Variants in MIPEP observed in about 807,000 individuals in gnomAD.
MIPEP encodes the protein mitochondrial intermediate peptidase.
A neutral mutation model predicts 90.3 loss-of-function variants in MIPEP; 79 were observed. That is an observed-to-expected ratio of 0.87 (90% confidence interval 0.73 to 1.05). The LOEUF (loss-of-function observed/expected upper bound fraction) is 1.05. MIPEP is among the 50% of genes least tolerant of loss of function. The probability of loss-of-function intolerance (pLI) is 0.00; values close to 1 mark genes in which losing one functional copy is unlikely to be tolerated. For missense variants in MIPEP, 940 were observed against 905.6 expected, an observed-to-expected ratio of 1.04 and a Z score of -0.49; for synonymous variants, 334 against 315.8, an observed-to-expected ratio of 1.06 and a Z score of -0.61.
chr13:23,780,954 C>A (rs1030935657), intron 16 of MIPEP, among the ~76,000 whole-genome samples: 21 of 152,056 alleles, frequency 1.4e-4, no homozygotes, highest in Middle Eastern at 3.4e-3. Context: ...AGGGACTATG[C>A]GAAAAGACCA....
At chr13:23,763,970 C>T (rs1297513207) in intron 16 of MIPEP, among the ~76,000 whole-genome samples, 1 of 152,212 alleles carries the variant, frequency 6.6e-6, no homozygotes, top group African/African-American at 2.4e-5. Context: ...TACCATTTCA[C>T]TCATTCATCT....
chr13:23,774,437 T>TA (rs1191262575), intron 16 of MIPEP, among the ~76,000 whole-genome samples: 106 of 152,016 alleles, frequency 7.0e-4, no homozygotes, highest in African/African-American at 1.6e-3. Flanking sequence ...TCATTTTCTA[T>TA]AAAAAAAAGC....
At chr13:23,850,983 A>G (rs1869775509) in intron 10 of MIPEP, among the ~76,000 whole-genome samples, 1 of 152,236 alleles carries the variant, frequency 6.6e-6, no homozygotes, top group Non-Finnish European at 1.5e-5. Flanking sequence ...GGAAATAGGC[A>G]GAGATTTTCT....
chr13:23,738,964 T>C (rs1415582598), intron 18 of MIPEP, among the ~76,000 whole-genome samples: 1 of 152,228 alleles, frequency 6.6e-6, no homozygotes, highest in African/African-American at 2.4e-5. Flanking sequence ...ATGGCTCAGA[T>C]GGACCTGCGG....
rs139699623 is a variant in MIPEP at position 23,870,319 on chromosome 13, T to TTAAA, written c.604-125_604-124insTTTA. On this transcript the variant is annotated intron_variant, in intron 5 of 18. Transcript: ENST00000382172. ...TGTTGAATTATCACTTAATAAAATA[T>TTAAA]TAGTTTAGTAAAATGAATATATTGT... 113,165 of 460,118 alleles carry TTAAA rather than the reference T, an allele frequency of 0.25. 15,349 individuals are homozygous for TTAAA. Among genetic ancestry groups the TTAAA allele is most frequent in the East Asian group, 0.41 (10,587 of 25,884 alleles). 28.5% of individuals were successfully genotyped at this position (460,118 alleles called of 1,614,324 possible).
chr13:23,750,361 C>T (rs1952429909), intron 18 of MIPEP, among the ~76,000 whole-genome samples: 1 of 152,188 alleles, frequency 6.6e-6, no homozygotes, highest in Non-Finnish European at 1.5e-5. Context: ...GCCGTGTCTC[C>T]TTAGGCTCCT....
At chr13:23,882,012 T>C (rs1442629057) in intron 2 of MIPEP, among the ~76,000 whole-genome samples, 2 of 152,176 alleles carry the variant, frequency 1.3e-5, no homozygotes, top group Non-Finnish European at 2.9e-5. Flanking sequence ...AAAAAGACTT[T>C]TATTATTTCA....
intron 18 of MIPEP, among the ~76,000 whole-genome samples, chr13:23,732,804 T>C (rs943972905): frequency 6.6e-6 from 1 of 152,202 alleles, no homozygotes; most frequent in Admixed American, 6.5e-5. Context: ...GGGCCTCTGG[T>C]GTGATGGTCA....
intron 16 of MIPEP, among the ~76,000 whole-genome samples, chr13:23,794,965 G>C (rs1193893311): frequency 1.3e-5 from 2 of 152,154 alleles, no homozygotes; most frequent in Non-Finnish European, 2.9e-5. Context: ...CAGGCAAAGA[G>C]GAAAGAAATT....
chr13:23,767,545 A>G (rs1198406495), intron 16 of MIPEP, among the ~76,000 whole-genome samples: 5 of 151,300 alleles, frequency 3.3e-5, no homozygotes, highest in Admixed American at 3.3e-4. Context: ...TCCACCTCCC[A>G]GGTTCAAGCG....
intron 14 of MIPEP, among the ~76,000 whole-genome samples, chr13:23,821,040 A>G (rs1297379643): frequency 6.6e-6 from 1 of 152,074 alleles, no homozygotes; most frequent in Non-Finnish European, 1.5e-5. Context: ...CTCCTGCAAC[A>G]TTTTCTTTTT....
At chr13:23,770,363 C>A (rs946965627) in intron 16 of MIPEP, among the ~76,000 whole-genome samples, 3 of 152,166 alleles carry the variant, frequency 2.0e-5, no homozygotes, top group Non-Finnish European at 4.4e-5. Flanking sequence ...CTCATTCTCA[C>A]TTTCCTCAAT....
intron 14 of MIPEP, among the ~76,000 whole-genome samples, chr13:23,812,637 C>G (rs146595493): frequency 2.6e-5 from 4 of 152,134 alleles, no homozygotes; most frequent in African/African-American, 7.2e-5. Context: ...TGCCATTAGG[C>G]TTTCTTCCCT....
At chr13:23,776,567 G>A (rs531838256) in intron 16 of MIPEP, among the ~76,000 whole-genome samples, 1 of 152,186 alleles carries the variant, frequency 6.6e-6, no homozygotes, top group African/African-American at 2.4e-5. Context: ...CATCCTGAAA[G>A]ATGTCATTCA....
chr13:23,838,662 G>A (rs189244917), intron 12 of MIPEP, among the ~76,000 whole-genome samples: 2 of 152,216 alleles, frequency 1.3e-5, no homozygotes, highest in African/African-American at 4.8e-5. Flanking sequence ...CATGTCCAAG[G>A]ACACCTAGCT....
chr13:23,777,620 T>C (rs1453929794), intron 16 of MIPEP, among the ~76,000 whole-genome samples: 2 of 152,202 alleles, frequency 1.3e-5, no homozygotes, highest in Non-Finnish European at 2.9e-5. Flanking sequence ...TATTTTGAGA[T>C]AAGAAGTTAT....
At chr13:23,730,546 C>A in intron 18 of MIPEP, 101 bp from the exon 19 acceptor site, 1 of 755,202 alleles carries the variant, frequency 1.3e-6, no homozygotes, top group Non-Finnish European at 2.3e-6. Flanking sequence ...CTCTGGCTTT[C>A]TGAATTAAGA....
At chr13:23,806,570 C>A (rs1311546404) in intron 15 of MIPEP, among the ~76,000 whole-genome samples, 2 of 151,470 alleles carry the variant, frequency 1.3e-5, no homozygotes. Context: ...CCCAGCTACT[C>A]GGGAGGCTGA....
At chr13:23,799,617 C>G (rs1223372118) in intron 16 of MIPEP, among the ~76,000 whole-genome samples, 1 of 152,208 alleles carries the variant, frequency 6.6e-6, no homozygotes, top group Non-Finnish European at 1.5e-5. Context: ...TGAGCCACTG[C>G]GCCCGGCCTA....
Sources: gnomAD v4.1 joint callset for allele counts (sites outside exome capture counted in the v4.1 genomes callset) on GRCh38, gnomAD v4.1.1 for gene constraint, MANE v1.5 for transcripts, NCBI Gene and HGNC (gene_info 2026-07-23, HGNC 2026-07-21) for gene names.